The following ULK4 variants were observed in gnomAD, a reference collection of about 807,000 sequenced individuals.
ULK4 encodes the protein unc-51 like kinase 4.
In ULK4, 133 loss-of-function variants were observed where a neutral mutation model predicts 160.6. The observed-to-expected ratio is 0.83, with a 90% CI of 0.72 to 0.96. The LOEUF is 0.96. Ranked by LOEUF, ULK4 falls within the 40% of genes least tolerant of loss-of-function variation. The pLI, the probability that ULK4 is intolerant of heterozygous loss-of-function variation, is 0.00. For synonymous variants in ULK4, 534 were observed against 539.8 expected (o/e 0.99, Z 0.15); for missense variants, 1,580 against 1,499.5 (o/e 1.05, Z -0.89).
intron 20 of ULK4, among the ~76,000 whole-genome samples, 159 bp from the exon 21 acceptor site, chr3:41,790,002 T>G (rs1239630678): frequency 6.6e-6 from 1 of 152,154 alleles, no homozygotes; most frequent in Non-Finnish European, 1.5e-5. Context: ...TCAACAAACT[T>G]AAAAATAAAA....
intron 31 of ULK4, among the ~76,000 whole-genome samples, chr3:41,597,944 C>T (rs1412936559): frequency 1.3e-5 from 2 of 152,322 alleles, no homozygotes; most frequent in East Asian, 3.9e-4. Context: ...TCTTAACACG[C>T]ATTTCCCTAA....
At chr3:41,748,923 G>A (rs973460288) in intron 22 of ULK4, among the ~76,000 whole-genome samples, 1 of 152,028 alleles carries the variant, frequency 6.6e-6, no homozygotes, top group Admixed American at 6.6e-5. Context: ...CTCCATTCTG[G>A]GGATGGTGGT....
chr3:41,846,302 TA>T (rs2042068338), intron 17 of ULK4, among the ~76,000 whole-genome samples: 3 of 152,174 alleles, frequency 2.0e-5, no homozygotes, highest in African/African-American at 7.2e-5. Context: ...ATATAACACA[TA>T]AAAGACAAAC....
At chr3:41,287,074 C>T (rs1575396767) in intron 35 of ULK4, among the ~76,000 whole-genome samples, 1 of 152,212 alleles carries the variant, frequency 6.6e-6, no homozygotes, top group African/African-American at 2.4e-5. Flanking sequence ...AGATGCCTGT[C>T]AGCAATCCTG....
chr3:41,263,397 C>G (rs1448068531), intron 35 of ULK4, among the ~76,000 whole-genome samples: 1 of 152,050 alleles, frequency 6.6e-6, no homozygotes, highest in Non-Finnish European at 1.5e-5. Flanking sequence ...TGTTTCCAGC[C>G]CCTTCTCTGA....
At chr3:41,792,740 A>ACTCACTTGAAAG (rs1332281542) in intron 20 of ULK4, among the ~76,000 whole-genome samples, 1 of 152,222 alleles carries the variant, frequency 6.6e-6, no homozygotes, top group Admixed American at 6.5e-5. Flanking sequence ...TAAATATCAA[A>ACTCACTTGAAAG]CTCACTTGAA....
chr3:41,786,302 C>T (rs930920704), intron 21 of ULK4, among the ~76,000 whole-genome samples: 1 of 152,072 alleles, frequency 6.6e-6, no homozygotes, highest in African/African-American at 2.4e-5. Context: ...AATCATTTGG[C>T]CCAAAGTAAA....
Position 41,398,227 on chromosome 3 carries a change from G to C in ULK4, c.3530C>G (p.Ser1177Cys). 1 of 1,611,838 alleles carries C rather than the reference G, an allele frequency of 6.2e-7. No individual in the cohort carries two copies. The highest frequency in any genetic ancestry group is 8.5e-7 in the Non-Finnish European group (1 of 1,179,330). ...NEDPEIFDVS[S>C]KCLSILVQLY... ...CTGAACCAGTATAGACAGGCACTTG[G>C]ATGAAACATCAAAAATCTCAGGATC... The change falls in exon 35 of 37, where the codon TCC (serine) becomes TGC (cysteine). Residue 1177 changes from serine to cysteine, a missense_variant. Physicochemically the swap from Ser to Cys is moderately radical, Grantham distance 112. Coordinates refer to ENST00000301831, the MANE Select transcript of ULK4 (RefSeq NM_017886.4).
chr3:41,670,622 T>G (rs775666328), intron 29 of ULK4, among the ~76,000 whole-genome samples: 7 of 152,034 alleles, frequency 4.6e-5, no homozygotes, highest in Non-Finnish European at 7.4e-5. Flanking sequence ...CACATATACA[T>G]ATATATACAT....
intron 34 of ULK4, among the ~76,000 whole-genome samples, chr3:41,438,136 G>A (rs1481533030): frequency 6.7e-6 from 1 of 148,270 alleles, no homozygotes; most frequent in Admixed American, 6.7e-5. Context: ...AGCAGGGTCA[G>A]GACAAGGACA....
At chr3:41,698,356 G>A (rs905570290) in intron 27 of ULK4, among the ~76,000 whole-genome samples, 1 of 151,994 alleles carries the variant, frequency 6.6e-6, no homozygotes, top group Non-Finnish European at 1.5e-5. Flanking sequence ...TGAACTCCTA[G>A]GCTCCAGTTA....
At chr3:41,708,177 C>CATAT (rs151064663) in intron 25 of ULK4, among the ~76,000 whole-genome samples, 1,567 of 149,978 alleles carry the variant, frequency 0.01, 26 homozygotes, top group African/African-American at 0.035. Flanking sequence ...AATACATATA[C>CATAT]ATATATATAT....
At chr3:41,645,660 T>C (rs2034452679) in intron 30 of ULK4, among the ~76,000 whole-genome samples, 1 of 152,260 alleles carries the variant, frequency 6.6e-6, no homozygotes, top group African/African-American at 2.4e-5. Context: ...GAAAAAAATG[T>C]ATATTCTGTT....
intron 34 of ULK4, among the ~76,000 whole-genome samples, chr3:41,417,752 T>A (rs1019960370): frequency 1.3e-5 from 2 of 152,152 alleles, no homozygotes; most frequent in Non-Finnish European, 2.9e-5. Flanking sequence ...CGCTTCTCAC[T>A]GGCTTGACTA....
At chr3:41,434,380 G>C (rs921344365) in intron 34 of ULK4, among the ~76,000 whole-genome samples, 1 of 152,090 alleles carries the variant, frequency 6.6e-6, no homozygotes, top group African/African-American at 2.4e-5. Flanking sequence ...GCAAGTTGCA[G>C]ATATGCATAT....
chr3:41,338,901 A>C (rs971825015), intron 35 of ULK4, among the ~76,000 whole-genome samples: 1 of 151,948 alleles, frequency 6.6e-6, no homozygotes, highest in Non-Finnish European at 1.5e-5. Context: ...TCAAGTAAAG[A>C]GAGTGAATCC....
chr3:41,416,647 AG>A (rs2125832037), intron 34 of ULK4, among the ~76,000 whole-genome samples: 1 of 152,316 alleles, frequency 6.6e-6, no homozygotes, highest in South Asian at 2.1e-4. Context: ...AAAGAAAAGG[AG>A]AAAAGAGATC....
At chr3:41,926,987 A>G (rs1481504965) in intron 5 of ULK4, among the ~76,000 whole-genome samples, 1 of 152,204 alleles carries the variant, frequency 6.6e-6, no homozygotes, top group Non-Finnish European at 1.5e-5. Context: ...AAATTCAGGA[A>G]ATACAAGAGA....
At chr3:41,870,082 CTG>C (rs1333531810) in intron 17 of ULK4, among the ~76,000 whole-genome samples, 1 of 152,156 alleles carries the variant, frequency 6.6e-6, no homozygotes, top group African/African-American at 2.4e-5. Context: ...ATTCATATAA[CTG>C]TTTCCCAGCA....
Sources: allele counts gnomAD v4.1 joint callset (sites outside exome capture counted in the v4.1 genomes callset), GRCh38; gene constraint gnomAD v4.1.1; transcripts MANE v1.5; gene names NCBI Gene and HGNC (gene_info 2026-07-23, HGNC 2026-07-21).